The following RABEPK variants were observed in gnomAD, a reference collection of about 807,000 sequenced individuals.
RABEPK encodes Rab9 effector protein with kelch motifs.
A neutral mutation model predicts 34.1 loss-of-function variants in RABEPK; 27 were observed. The ratio of observed to expected loss-of-function variants is 0.79; its 90% confidence interval spans 0.58 to 1.09. The LOEUF is 1.09. Among genes scored for constraint, RABEPK ranks in the 50% least tolerant of loss-of-function variants. The pLI is 0.00. For synonymous variants in RABEPK, 172 were observed against 169.2 expected (o/e 1.02, Z -0.13); for missense variants, 449 against 462.6 (o/e 0.97, Z 0.27).
chr9:125,221,444 C>G (rs1331775257), intron 5 of RABEPK: 2 of 151,564 alleles, frequency 1.3e-5, no homozygotes, highest in African/African-American at 4.8e-5. Flanking sequence ...TGGCAATGAA[C>G]CAAGATCGTG....
chr9:125,202,545 A>G (rs1423059554), intron 1 of RABEPK, among the ~76,000 whole-genome samples: 1 of 110,902 alleles, frequency 9.0e-6, no homozygotes, highest in Non-Finnish European at 1.9e-5. Context: ...AGATAAATAC[A>G]TAGGCCAGGC....
chr9:125,202,849 A>G (rs998258300), intron 1 of RABEPK, among the ~76,000 whole-genome samples, 159 bp from the exon 2 acceptor site: 1 of 152,194 alleles, frequency 6.6e-6, no homozygotes, highest in Admixed American at 6.6e-5. Flanking sequence ...AAATAAATAA[A>G]TAAATAATAA....
intron 3 of RABEPK, among the ~76,000 whole-genome samples, chr9:125,211,318 T>A (rs1049623182): frequency 7.3e-5 from 11 of 151,672 alleles, no homozygotes; most frequent in African/African-American, 2.7e-4. Context: ...CCCCGCTAAT[T>A]TTTGTATTTT....
At chr9:125,202,627 C>T (rs539233012) in intron 1 of RABEPK, among the ~76,000 whole-genome samples, 2 of 151,836 alleles carry the variant, frequency 1.3e-5, no homozygotes, top group South Asian at 2.1e-4. Flanking sequence ...GTCAGGAGTT[C>T]GAGACCAGCC....
In RABEPK at chr9:125,220,881, G is replaced by C; in HGVS notation, c.526+181G>C. On this transcript the variant is annotated intron_variant, in intron 5 of 7. Coordinates refer to ENST00000373538, the MANE Select transcript of RABEPK (RefSeq NM_005833.4). ...CAAAATTGGCATTTAAAAAGGGATA[G>C]TGAGGCCTGGCATGGTGGCTCACAC... The C allele has an allele frequency of 3.8e-6, 3 of 790,344 alleles. No individual in the cohort carries two copies. The South Asian group carries it at 7.3e-5, about 19-fold the overall frequency. The allele number at this position is 790,344 out of a possible 1,614,324, so 49.0% of individuals were successfully genotyped here. A position where few individuals can be genotyped will look rare whatever the true frequency, so the allele number is the denominator to read the frequency against.
At chr9:125,207,089 T>TAAAAA (rs80221176) in intron 2 of RABEPK, among the ~76,000 whole-genome samples, 1 of 133,064 alleles carries the variant, frequency 7.5e-6, no homozygotes, top group Non-Finnish European at 1.6e-5. Context: ...AACTCCATCT[T>TAAAAA]AAAAAAAAAA....
chr9:125,227,775 G>A, intron 5 of RABEPK, 135 bp from the exon 6 acceptor site: 1 of 629,918 alleles, frequency 1.6e-6, no homozygotes, highest in Non-Finnish European at 2.4e-6. Flanking sequence ...GGGGGAGTTG[G>A]AGTGAATGAC....
intron 1 of RABEPK, among the ~76,000 whole-genome samples, chr9:125,201,581 C>G (rs1324966340): frequency 6.6e-6 from 1 of 152,068 alleles, no homozygotes; most frequent in Non-Finnish European, 1.5e-5. Context: ...AGTTCGAGAC[C>G]AGCCTGGACA....
At chr9:125,202,743 T>C in intron 1 of RABEPK, among the ~76,000 whole-genome samples, 1 of 152,008 alleles carries the variant, frequency 6.6e-6, no homozygotes, top group South Asian at 2.1e-4. Flanking sequence ...GGGAGGAGAA[T>C]CGTTTGAACC....
chr9:125,228,952 G>C (rs753627459), intron 6 of RABEPK, among the ~76,000 whole-genome samples: 27 of 150,040 alleles, frequency 1.8e-4, no homozygotes, highest in Admixed American at 6.7e-4. Flanking sequence ...GACAGAGTGA[G>C]ACTCCATCTC....
chr9:125,202,115 T>C (rs1030277715), intron 1 of RABEPK, among the ~76,000 whole-genome samples: 2 of 151,982 alleles, frequency 1.3e-5, no homozygotes, highest in Admixed American at 6.6e-5. Flanking sequence ...CTCTGGAGGC[T>C]GAGGCAGGAG....
intron 2 of RABEPK, among the ~76,000 whole-genome samples, chr9:125,204,581 T>TCAAA (rs747697964): frequency 2.0e-4 from 30 of 152,320 alleles, no homozygotes; most frequent in East Asian, 1.2e-3. Flanking sequence ...AGACTCCGTC[T>TCAAA]CAAACAAACA....
chr9:125,201,146 T>C (rs1829881650), intron 1 of RABEPK, among the ~76,000 whole-genome samples: 1 of 151,942 alleles, frequency 6.6e-6, no homozygotes. Flanking sequence ...GCCCAGTGGG[T>C]GGAAGAAGGA....
At chr9:125,207,855 G>A in intron 3 of RABEPK, 134 bp downstream of exon 3, 1 of 1,093,778 alleles carries the variant, frequency 9.1e-7, no homozygotes, top group Non-Finnish European at 1.3e-6. Context: ...ACCAGGTGTG[G>A]TGGCTCACGC....
chr9:125,211,427 T>G (rs1221886861), intron 3 of RABEPK, among the ~76,000 whole-genome samples: 1 of 151,728 alleles, frequency 6.6e-6, no homozygotes, highest in African/African-American at 2.4e-5. Context: ...TGGGATTACA[T>G]GCGTGAGCCA....
At position 125,228,146 on chromosome 9, in the gene RABEPK, A is replaced by G. The variant is rs117093327; in HGVS notation, c.676+87A>G. The G allele has an allele frequency of 4.9e-3, 5,826 of 1,178,226 alleles. 158 individuals carry two copies. In the East Asian group the frequency reaches 0.078, roughly 16 times the overall value. The allele number at this position is 1,178,226 out of a possible 1,614,324, so 73.0% of individuals were successfully genotyped here. A position where few individuals can be genotyped will look rare whatever the true frequency, so the allele number is the denominator to read the frequency against. ...TAGACAGGATCTCTGTCTGTCACTCAGGCTGGAGTGCGGTGGCATGATCTC... is the reference window on the plus strand; with the variant it reads ...TAGACAGGATCTCTGTCTGTCACTCGGGCTGGAGTGCGGTGGCATGATCTC... On this transcript the variant is annotated intron_variant, in intron 6 of 7. Transcript: ENST00000373538.
intron 3 of RABEPK, 65 bp downstream of exon 3, chr9:125,207,786 A>G: frequency 6.4e-7 from 1 of 1,572,540 alleles, no homozygotes; most frequent in Non-Finnish European, 8.7e-7. Flanking sequence ...GCTGCTAGCC[A>G]TGAGCAGGGC....
chr9:125,207,484 T>C (rs1830297583), intron 2 of RABEPK, 80 bp from the exon 3 acceptor site: 5 of 1,441,764 alleles, frequency 3.5e-6, no homozygotes, highest in Non-Finnish European at 3.9e-6. Context: ...TTCTGGTGAA[T>C]ATTTCATGAG....
At chr9:125,214,599 G>T in intron 4 of RABEPK, among the ~76,000 whole-genome samples, 1 of 152,140 alleles carries the variant, frequency 6.6e-6, no homozygotes, top group South Asian at 2.1e-4. Flanking sequence ...GTTTGGGAAC[G>T]TCGCTACTGA....
Sources: allele counts gnomAD v4.1 joint callset (sites outside exome capture counted in the v4.1 genomes callset), GRCh38; gene constraint gnomAD v4.1.1; transcripts MANE v1.5; gene names NCBI Gene and HGNC (gene_info 2026-07-23, HGNC 2026-07-21).